The following SKI variants were observed in gnomAD, a reference collection of about 807,000 sequenced individuals.
The protein encoded by SKI is ski oncogene.
A neutral mutation model predicts 59.3 loss-of-function variants in SKI; 23 were observed. That is an observed-to-expected ratio of 0.39 (90% CI 0.28 to 0.55). SKI has a LOEUF of 0.55. Ranked by LOEUF, SKI falls within the 20% of genes least tolerant of loss-of-function variation. SKI has a pLI of 0.67. For synonymous variants in SKI, 673 were observed against 488.6 expected (o/e 1.38, Z -4.98); for missense variants, 1,017 against 1,038.9 (o/e 0.98, Z 0.29).
intron 1 of SKI, among the ~76,000 whole-genome samples, chr1:2,284,233 CTCAGG>C (rs1247234952): frequency 6.6e-6 from 1 of 152,130 alleles, no homozygotes; most frequent in Non-Finnish European, 1.5e-5. Context: ...CCGGGGCTCC[CTCAGG>C]TTGCTGCCCT....
chr1:2,277,357 G>T (rs1176416742), intron 1 of SKI, among the ~76,000 whole-genome samples: 1 of 152,110 alleles, frequency 6.6e-6, no homozygotes, highest in Non-Finnish European at 1.5e-5. Context: ...ATGTGTTGTG[G>T]GAGGGACCCA....
chr1:2,288,722 T>C (rs774962955), intron 1 of SKI, among the ~76,000 whole-genome samples: 3 of 152,156 alleles, frequency 2.0e-5, no homozygotes, highest in Non-Finnish European at 2.9e-5. Flanking sequence ...TGGATGAAAC[T>C]AGCCTGAGGT....
intron 1 of SKI, among the ~76,000 whole-genome samples, chr1:2,242,196 C>T (rs537194673): frequency 6.6e-6 from 1 of 152,204 alleles, no homozygotes; most frequent in African/African-American, 2.4e-5. Context: ...TGGTGAACCT[C>T]TGTAAATGTA....
At chr1:2,230,187 C>G (rs909704582) in intron 1 of SKI, among the ~76,000 whole-genome samples, 6 of 152,214 alleles carry the variant, frequency 3.9e-5, no homozygotes, top group Non-Finnish European at 1.5e-5. Flanking sequence ...CACCCAGCCT[C>G]GAAGACGGAG....
intron 1 of SKI, among the ~76,000 whole-genome samples, chr1:2,238,807 A>G (rs1335064259): frequency 6.6e-6 from 1 of 152,210 alleles, no homozygotes; most frequent in Non-Finnish European, 1.5e-5. Context: ...TCAGCGGGCC[A>G]GGCCACACTG....
At chr1:2,255,787 A>G (rs1162139982) in intron 1 of SKI, among the ~76,000 whole-genome samples, 2 of 120,398 alleles carry the variant, frequency 1.7e-5, no homozygotes, top group African/African-American at 6.5e-5. Context: ...AGCACTCTGT[A>G]TCCTGACCTC....
At chr1:2,251,351 G>T (rs1433836382) in intron 1 of SKI, among the ~76,000 whole-genome samples, 1 of 152,114 alleles carries the variant, frequency 6.6e-6, no homozygotes, top group Non-Finnish European at 1.5e-5. Flanking sequence ...GTGAATTCCT[G>T]GGCTTGAGCC....
At chr1:2,296,507 C>T (rs1328285803) in intron 1 of SKI, among the ~76,000 whole-genome samples, 1 of 152,228 alleles carries the variant, frequency 6.6e-6, no homozygotes, top group Admixed American at 6.5e-5. Flanking sequence ...CATGCGGTTA[C>T]TGGATGTTAG....
rs1261431140 is a variant in SKI at position 2,304,093 on chromosome 1, A to C, written c.1465A>C (p.Arg489=). The change falls in exon 4 of 7, where the codon AGG becomes CGG. Residue 489 remains arginine, a synonymous_variant. Transcript: ENST00000378536. The stretch of plus-strand genomic sequence containing the variant: ...GGAGGCGGAGGTGGAAGTTGAAAGC[A>C]GGGAGGAATGTACGTGTGAGTCGCT... ...DSEAEVEVES[R]EEFTSSLSSL... 1 of 1,612,512 alleles carries C rather than the reference A, an allele frequency of 6.2e-7. No homozygotes were observed. The highest frequency in any genetic ancestry group is 8.5e-7 in the Non-Finnish European group (1 of 1,179,888).
rs961523624 is a variant in SKI, at chr1:2,229,969, C to T, written c.969+234C>T. On this transcript the variant is annotated intron_variant, in intron 1 of 6. Coordinates refer to ENST00000378536, the MANE Select transcript of SKI (RefSeq NM_003036.4). The surrounding 1 kb of genome is among the most constrained non-coding windows in gnomAD (Gnocchi z 6.3). ...GACGAGCCTGGAGTGCGGGCTGTGG[C>T]GGTGGGGTGGGGGGCCAGGCCTGGT... 6.6e-6 allele frequency among the ~76,000 whole-genome samples: 1 copy of T among 152,118 alleles called. No individual in the cohort carries two copies. Among genetic ancestry groups the T allele is most frequent in the African/African-American group, 2.4e-5 (1 of 41,432 alleles).
chr1:2,246,949 A>G (rs564534297), intron 1 of SKI, among the ~76,000 whole-genome samples: 12 of 152,294 alleles, frequency 7.9e-5, no homozygotes, highest in African/African-American at 2.9e-4. Context: ...CAGGCCGGGC[A>G]CGGTGGCTCA....
Position 2,268,059 on chromosome 1 carries a change from ACTCCCAACAGCACTGCGTGGAG to A in SKI, c.970-34916_970-34895del, listed in dbSNP as rs1639536437. 6.6e-6 allele frequency among the ~76,000 whole-genome samples: 1 copy of A among 152,024 alleles called. No individual in the cohort carries two copies. Among genetic ancestry groups the A allele is most frequent in the Admixed American group, 6.5e-5 (1 of 15,268 alleles). On this transcript the variant is annotated intron_variant, in intron 1 of 6. Transcript: ENST00000378536. The surrounding 1 kb of genome is among the most constrained non-coding windows in gnomAD (Gnocchi z 5.0). ...GAAGCAGGTTCCCACAGGCCAGGGC[ACTCCCAACAGCACTGCGTGGAG>A]CTGGTGCCCACCCCTGTGGTCAGAT...
At position 2,270,126 on chromosome 1, in the gene SKI, A is replaced by G. The variant is rs1024676650; in HGVS notation, c.970-32852A>G. Among the ~76,000 whole-genome samples the G allele has an allele frequency of 6.6e-6, 1 of 152,078 alleles. No individual in the cohort carries two copies. Among genetic ancestry groups the G allele is most frequent in the Admixed American group, 6.5e-5 (1 of 15,276 alleles). ...TGCCCAGGGGTGCTGTGCCCTGGTCATTGTCCCCTACAGCCAGGCAGTAAA... is the reference window on the plus strand; with the variant it reads ...TGCCCAGGGGTGCTGTGCCCTGGTCGTTGTCCCCTACAGCCAGGCAGTAAA... On this transcript the variant is annotated intron_variant, in intron 1 of 6. Coordinates refer to ENST00000378536, the MANE Select transcript of SKI (RefSeq NM_003036.4). The surrounding 1 kb of genome is among the most constrained non-coding windows in gnomAD (Gnocchi z 4.1).
intron 1 of SKI, among the ~76,000 whole-genome samples, chr1:2,254,189 C>T (rs1004522293): frequency 6.6e-6 from 1 of 152,200 alleles, no homozygotes; most frequent in African/African-American, 2.4e-5. Flanking sequence ...TGTTCCCCTC[C>T]AGACACTGAT....
intron 1 of SKI, among the ~76,000 whole-genome samples, chr1:2,243,981 T>C (rs1189155445): frequency 2.6e-5 from 4 of 152,104 alleles, no homozygotes; most frequent in African/African-American, 9.7e-5. Context: ...TCTTTCTTTT[T>C]TTGACACAGA....
At chr1:2,274,881 C>T (rs1478386647) in intron 1 of SKI, among the ~76,000 whole-genome samples, 1 of 152,224 alleles carries the variant, frequency 6.6e-6, no homozygotes, top group Non-Finnish European at 1.5e-5. Flanking sequence ...TGGCTTCTTG[C>T]TCTCAGCAGA....
chr1:2,268,916 T>C lies in SKI; in HGVS notation c.970-34062T>C, dbSNP rs1639556030. Among the ~76,000 whole-genome samples, 1 of 150,874 alleles carries C rather than the reference T, an allele frequency of 6.6e-6. No individual in the cohort carries two copies. Among genetic ancestry groups the C allele is most frequent in the East Asian group, 1.9e-4 (1 of 5,146 alleles). The stretch of plus-strand genomic sequence containing the variant: ...CCCCCTTCCATGTCCATTTCCCTTT[T>C]CCCTCCCTCCCTCTCTTTCCTTCTC... On this transcript the variant is annotated intron_variant, in intron 1 of 6. Transcript: ENST00000378536. This position sits in a 1 kb window ranked among gnomAD's most constrained non-coding sequence, Gnocchi z 5.0.
intron 1 of SKI, among the ~76,000 whole-genome samples, chr1:2,296,111 G>A (rs1015922926): frequency 9.2e-5 from 14 of 151,880 alleles, no homozygotes; most frequent in East Asian, 1.9e-4. Flanking sequence ...TAGGCCAGGC[G>A]CTCATGCCTG....
At chr1:2,250,501 G>A (rs1639121921) in intron 1 of SKI, among the ~76,000 whole-genome samples, 1 of 152,244 alleles carries the variant, frequency 6.6e-6, no homozygotes, top group African/African-American at 2.4e-5. Flanking sequence ...ATACAGCGAA[G>A]TTGCAGGAAG....
Sources: gnomAD v4.1 joint callset for allele counts (sites outside exome capture counted in the v4.1 genomes callset) on GRCh38, gnomAD v4.1.1 for gene constraint, Gnocchi (gnomAD v3.1) non-coding constraint, MANE v1.5 for transcripts, NCBI Gene and HGNC (gene_info 2026-07-23, HGNC 2026-07-21) for gene names.